Variants in BCR observed in about 807,000 individuals in gnomAD.
The protein encoded by BCR is BCR activator of RhoGEF and GTPase.
BCR carries 58 observed loss-of-function variants against 138.6 expected under a neutral mutation model. The observed-to-expected ratio is 0.42, with a 90% CI of 0.34 to 0.52. The LOEUF (loss-of-function observed/expected upper bound fraction) is 0.52. BCR is among the 20% of genes least tolerant of loss of function. The probability of loss-of-function intolerance (pLI) is 0.06; values close to 1 mark genes in which losing one functional copy is unlikely to be tolerated. For missense variants in BCR, 1,599 were observed against 1,727.2 expected (o/e 0.93, Z 1.32); for synonymous variants, 786 against 730.1 (o/e 1.08, Z -1.23).
At chr22:23,256,130 C>T (rs1345201379) in intron 2 of BCR, among the ~76,000 whole-genome samples, 2 of 152,170 alleles carry the variant, frequency 1.3e-5, no homozygotes, top group African/African-American at 2.4e-5. Flanking sequence ...ACATGGCTGT[C>T]GCTTCCTAGG....
intron 1 of BCR, among the ~76,000 whole-genome samples, chr22:23,203,228 G>C (rs1025430319): frequency 6.6e-6 from 1 of 152,180 alleles, no homozygotes; most frequent in Non-Finnish European, 1.5e-5. Flanking sequence ...GGATTTACCA[G>C]GTCAGAGAGG....
Position 23,222,735 on chromosome 22 carries a change from C to A in BCR, c.1280-31064C>A, listed in dbSNP as rs546355764. ...TGAGTTCAAGAGCCCAAGCCTTCCTCCCTCATGCCCATGCTGTTGGAACCT... is the reference window on the plus strand; with the variant it reads ...TGAGTTCAAGAGCCCAAGCCTTCCTACCTCATGCCCATGCTGTTGGAACCT... On this transcript the variant is annotated intron_variant, in intron 1 of 22. Transcript: ENST00000305877. Among the ~76,000 whole-genome samples, 16 of 152,264 alleles carry A rather than the reference C, an allele frequency of 1.1e-4. No individual in the cohort carries two copies. The South Asian group carries it at 3.1e-3, about 30-fold the overall frequency.
chr22:23,291,981 C>A (rs1184885972), intron 14 of BCR, among the ~76,000 whole-genome samples: 1 of 152,194 alleles, frequency 6.6e-6, no homozygotes, highest in Non-Finnish European at 1.5e-5. Flanking sequence ...CTGCAACTTA[C>A]CGCCCACAGC....
At chr22:23,237,541 C>T (rs2073040534) in intron 1 of BCR, among the ~76,000 whole-genome samples, 1 of 152,218 alleles carries the variant, frequency 6.6e-6, no homozygotes, top group Non-Finnish European at 1.5e-5. Flanking sequence ...GAGATCCTTG[C>T]CGGCTGGTTT....
chr22:23,297,211 T>G (rs2073855039), intron 16 of BCR, among the ~76,000 whole-genome samples: 1 of 112,266 alleles, frequency 8.9e-6, no homozygotes, highest in Non-Finnish European at 1.8e-5. Flanking sequence ...TAAGTTGTTT[T>G]TTGTTTTTTG....
chr22:23,312,962 G>A lies in BCR; in HGVS notation c.3398G>A (p.Arg1133His), dbSNP rs1274134593. The part of the protein sequence containing the change: ...AIAGTLKLYF[R>H]ELPEPLFTDE... Reference sequence around the variant, plus strand: ...GCAGGCACGCTGAAGCTGTACTTCCGTGAGCTGCCCGAGCCCCTCTTCACT... The same window carrying A: ...GCAGGCACGCTGAAGCTGTACTTCCATGAGCTGCCCGAGCCCCTCTTCACT... The change falls in exon 20 of 23, where the codon CGT becomes CAT. Residue 1133 changes from arginine to histidine, a missense_variant. By Grantham distance (29) the Arg-to-His change is conservative. Around this residue, in one of 4 missense-constraint regions of BCR, gnomAD observed 177 missense variants for 226.4 expected, o/e 0.78. Coordinates refer to ENST00000305877, the MANE Select transcript of BCR (RefSeq NM_004327.4). The A allele has an allele frequency of 3.8e-6, 6 of 1,592,514 alleles. No homozygotes were observed. Among genetic ancestry groups the A allele is most frequent in the South Asian group, 1.1e-5 (1 of 90,792 alleles).
chr22:23,290,536 A>G, intron 14 of BCR, 123 bp downstream of exon 14: 1 of 991,798 alleles, frequency 1.0e-6, no homozygotes, highest in Non-Finnish European at 1.6e-6. Flanking sequence ...GACACCTTTG[A>G]CCCTGGCCGC....
At chr22:23,263,444 A>G (rs1188727739) in intron 4 of BCR, 2 of 1,393,982 alleles carry the variant, frequency 1.4e-6, no homozygotes, top group Non-Finnish European at 2.0e-6. Context: ...GGTGCTGCCG[A>G]GAGGGGATTC....
At chr22:23,259,117 C>CA (rs1428831475) in intron 2 of BCR, among the ~76,000 whole-genome samples, 1 of 152,246 alleles carries the variant, frequency 6.6e-6, no homozygotes, top group Non-Finnish European at 1.5e-5. Context: ...AGTCAGGTGG[C>CA]GATTTCTGTG....
intron 13 of BCR, 152 bp downstream of exon 13, chr22:23,289,773 C>T (rs747575934): frequency 1.4e-6 from 1 of 696,300 alleles, no homozygotes; most frequent in East Asian, 2.7e-5. Flanking sequence ...CTCTTGTCTC[C>T]TCCCAGGAGT....
intron 4 of BCR, among the ~76,000 whole-genome samples, chr22:23,267,697 C>T (rs571387889): frequency 6.6e-6 from 1 of 152,306 alleles, no homozygotes; most frequent in South Asian, 2.1e-4. Context: ...TTGTGGGGCC[C>T]AGAGATGGCA....
At chr22:23,315,202 G>A (rs1288394106) in intron 22 of BCR, among the ~76,000 whole-genome samples, 3 of 152,084 alleles carry the variant, frequency 2.0e-5, no homozygotes, top group East Asian at 3.9e-4. Context: ...CCAGCCTGGG[G>A]GACAGAGCAA....
intron 1 of BCR, among the ~76,000 whole-genome samples, chr22:23,190,420 G>A (rs1451110851): frequency 2.6e-5 from 4 of 151,994 alleles, no homozygotes; most frequent in Non-Finnish European, 4.4e-5. Flanking sequence ...CGCCCTCCTC[G>A]GCCTCCAAAA....
At position 23,180,852 on chromosome 22, in the gene BCR, C is replaced by CGG; in HGVS notation, c.-107_-106dup. On this transcript the variant is annotated 5_prime_UTR_variant, in exon 1 of 23. Coordinates refer to ENST00000305877, the MANE Select transcript of BCR (RefSeq NM_004327.4). ...ATTGTTCGCCGCCGCCGCCGCCGCG[C>CGG]GGGCCATGGGGGCCGCCCGGCGCCC... 8.8e-6 allele frequency: 5 copies of CGG among 568,808 alleles called. No individual in the cohort carries two copies. The highest frequency in any genetic ancestry group is 1.1e-5 in the Non-Finnish European group (5 of 453,240). 35.2% of individuals were successfully genotyped at this position (568,808 alleles called of 1,614,324 possible).
chr22:23,278,060 T>G (rs1043083709), intron 8 of BCR, among the ~76,000 whole-genome samples: 2 of 152,232 alleles, frequency 1.3e-5, no homozygotes, highest in African/African-American at 2.4e-5. Context: ...CTCATTTGTT[T>G]AGGTGAATTA....
Position 23,284,939 on chromosome 22 carries a change from G to T in BCR, c.2238-94G>T, listed in dbSNP as rs1568973046. 1.2e-5 allele frequency: 17 copies of T among 1,406,804 alleles called. No homozygotes were observed. In the South Asian group the frequency reaches 2.3e-4, roughly 19 times the overall value. 87.1% of individuals were successfully genotyped at this position (1,406,804 alleles called of 1,614,324 possible). On this transcript the variant is annotated intron_variant, in intron 9 of 22. Coordinates refer to ENST00000305877, the MANE Select transcript of BCR (RefSeq NM_004327.4). Reference sequence around the variant, plus strand: ...TTTTAGGTCAGGTAAACCATGTATGGCCGAGAACACTGGCTCTTGGGCTCT... The same window carrying T: ...TTTTAGGTCAGGTAAACCATGTATGTCCGAGAACACTGGCTCTTGGGCTCT...
chr22:23,287,304 C>T, intron 11 of BCR, 26 bp downstream of exon 11: 1 of 1,511,514 alleles, frequency 6.6e-7, no homozygotes, highest in South Asian at 1.3e-5. Context: ...TCCGGCCCCT[C>T]CTGCTCTCCT....
intron 1 of BCR, among the ~76,000 whole-genome samples, chr22:23,214,452 A>T (rs968329938): frequency 6.6e-6 from 1 of 152,198 alleles, no homozygotes; most frequent in Non-Finnish European, 1.5e-5. Context: ...GGCTCTGAGG[A>T]CCTGGCTTGG....
chr22:23,180,878 G>A lies in BCR; in HGVS notation c.-83G>A, dbSNP rs1394669528. On this transcript the variant is annotated 5_prime_UTR_variant, in exon 1 of 23. Coordinates refer to ENST00000305877, the MANE Select transcript of BCR (RefSeq NM_004327.4). ...GGGCCATGGGGGCCGCCCGGCGCCC[G>A]GGGCCGGGCTGGCGAGGCGCCGCGC... 1.3e-6 allele frequency: 1 copy of A among 767,812 alleles called. No homozygotes were observed. The highest frequency in any genetic ancestry group is 7.0e-5 in the African/African-American group (1 of 14,330). 47.6% of individuals were successfully genotyped at this position (767,812 alleles called of 1,614,324 possible). A position where few individuals can be genotyped will look rare whatever the true frequency, so the allele number is the denominator to read the frequency against.
Sources: allele counts gnomAD v4.1 joint callset (sites outside exome capture counted in the v4.1 genomes callset), GRCh38; gene constraint gnomAD v4.1.1; regional missense constraint gnomAD v4.1.1; transcripts MANE v1.5; gene names NCBI Gene and HGNC (gene_info 2026-07-23, HGNC 2026-07-21).